TTC7B: variants seen among roughly 807,000 people sequenced by gnomAD.
The protein encoded by TTC7B is tetratricopeptide repeat domain 7B.
In TTC7B, 28 loss-of-function variants were observed where a neutral mutation model predicts 106.8. The observed-to-expected ratio is 0.26, with a 90% CI of 0.19 to 0.36. TTC7B has a LOEUF of 0.36. TTC7B is among the 10% of genes least tolerant of loss of function. The probability of loss-of-function intolerance (pLI) is 1.00; values close to 1 mark genes in which losing one functional copy is unlikely to be tolerated. For missense variants in TTC7B, 862 were observed against 1,076.4 expected (o/e 0.80, Z 2.79); for synonymous variants, 405 against 430.6 (o/e 0.94, Z 0.74).
Position 90,577,981 on chromosome 14 carries a change from C to T in TTC7B, c.2310+125G>A. On this transcript the variant is annotated intron_variant, in intron 19 of 19. Coordinates refer to ENST00000328459, the MANE Select transcript of TTC7B (RefSeq NM_001010854.2). This position sits in a 1 kb window ranked among gnomAD's most constrained non-coding sequence, Gnocchi z 5.0. ...CCTCTGGCTTCAGGCCATGTGACAG[C>T]CTGGCAAGCTAACTGCATGGGGCCT... The T allele has an allele frequency of 8.3e-7, 1 of 1,211,730 alleles. No individual in the cohort carries two copies. The highest frequency in any genetic ancestry group is 1.2e-6 in the Non-Finnish European group (1 of 868,420). 75.1% of individuals were successfully genotyped at this position (1,211,730 alleles called of 1,614,324 possible).
chr14:90,638,688 T>C (rs1885046237), intron 15 of TTC7B, among the ~76,000 whole-genome samples: 1 of 152,224 alleles, frequency 6.6e-6, no homozygotes, highest in Non-Finnish European at 1.5e-5. Context: ...ATTAAACTAA[T>C]TCCAAAATCT....
intron 5 of TTC7B, among the ~76,000 whole-genome samples, chr14:90,696,633 G>A (rs954959215): frequency 1.3e-5 from 2 of 152,140 alleles, no homozygotes; most frequent in Non-Finnish European, 2.9e-5. Flanking sequence ...CTATTAATTC[G>A]CATCTTATAC....
intron 3 of TTC7B, among the ~76,000 whole-genome samples, chr14:90,780,213 C>T (rs1891162958): frequency 6.6e-6 from 1 of 152,080 alleles, no homozygotes; most frequent in South Asian, 2.1e-4. Context: ...GAAACCCCCT[C>T]TCTACTAAAA....
chr14:90,763,056 G>A (rs1264191703), intron 3 of TTC7B, among the ~76,000 whole-genome samples: 2 of 152,092 alleles, frequency 1.3e-5, no homozygotes, highest in Non-Finnish European at 2.9e-5. Context: ...TATGACACCA[G>A]CGTAACATTG....
intron 16 of TTC7B, among the ~76,000 whole-genome samples, chr14:90,614,424 G>A (rs182372804): frequency 4.3e-4 from 66 of 152,372 alleles, no homozygotes; most frequent in African/African-American, 1.3e-3. Flanking sequence ...TTTAAATGCT[G>A]TTTGTTGGCA....
chr14:90,590,673 C>A (rs1310007407), intron 18 of TTC7B, among the ~76,000 whole-genome samples: 1 of 152,208 alleles, frequency 6.6e-6, no homozygotes, highest in African/African-American at 2.4e-5. Context: ...GAGCTCAAAT[C>A]ACATAAGGTA....
chr14:90,677,986 C>T (rs1457392457), intron 8 of TTC7B: 1 of 342,940 alleles, frequency 2.9e-6, no homozygotes, highest in Non-Finnish European at 5.6e-6. Flanking sequence ...AAAAGCAGCT[C>T]TGAAGGAAAC....
intron 3 of TTC7B, among the ~76,000 whole-genome samples, chr14:90,779,321 G>C (rs1891134477): frequency 6.6e-6 from 1 of 151,964 alleles, no homozygotes; most frequent in Admixed American, 6.5e-5. Flanking sequence ...TAATTTTTTT[G>C]AGATGGAGTC....
At position 90,680,373 on chromosome 14, in the gene TTC7B, C is replaced by A. The variant is rs959476199; in HGVS notation, c.1014+99G>T. ...AGGTATACCCTCTAGAAAGTATTTT[C>A]TCTTAAGAAAAAGAGTCATGATACT... On this transcript the variant is annotated intron_variant, in intron 8 of 19. Transcript: ENST00000328459. The A allele has an allele frequency of 1.4e-5, 13 of 901,144 alleles. No homozygotes were observed. In the East Asian group the frequency reaches 3.2e-4, roughly 22 times the overall value. The allele number at this position is 901,144 out of a possible 1,614,324, so 55.8% of individuals were successfully genotyped here. A position where few individuals can be genotyped will look rare whatever the true frequency, so the allele number is the denominator to read the frequency against.
At chr14:90,688,732 T>C (rs1167243666) in intron 7 of TTC7B, among the ~76,000 whole-genome samples, 1 of 151,092 alleles carries the variant, frequency 6.6e-6, no homozygotes, top group Non-Finnish European at 1.5e-5. Context: ...CACTTGAACC[T>C]GGAAGGCAGA....
chr14:90,602,231 G>A (rs1221148599), intron 17 of TTC7B: 1 of 456,020 alleles, frequency 2.2e-6, no homozygotes, highest in Non-Finnish European at 4.4e-6. Flanking sequence ...ACATTAGTTT[G>A]GGAACACTGG....
chr14:90,735,094 T>C (rs1889467620), intron 4 of TTC7B, among the ~76,000 whole-genome samples: 1 of 152,190 alleles, frequency 6.6e-6, no homozygotes, highest in Non-Finnish European at 1.5e-5. Flanking sequence ...CTCTGTGACA[T>C]ACCCATTCTA....
At chr14:90,644,271 A>C in intron 14 of TTC7B, 63 bp from the exon 15 acceptor site, 2 of 1,321,504 alleles carry the variant, frequency 1.5e-6, no homozygotes, top group Non-Finnish European at 2.0e-6. Flanking sequence ...ACACACACAC[A>C]CACACACACG....
intron 19 of TTC7B, among the ~76,000 whole-genome samples, chr14:90,565,870 T>C (rs1462481160): frequency 2.6e-5 from 4 of 152,208 alleles, no homozygotes. Context: ...CTGGTCAGTG[T>C]AGCAGTCAGG....
intron 19 of TTC7B, among the ~76,000 whole-genome samples, chr14:90,563,043 C>T (rs1309627346): frequency 6.6e-6 from 1 of 152,184 alleles, no homozygotes; most frequent in Admixed American, 6.5e-5. Context: ...TAACATCTCT[C>T]CCTATAGCCT....
In TTC7B at chr14:90,578,415, G is replaced by C. The variant is rs905223008; in HGVS notation, c.2108-107C>G. 2 of 1,151,332 alleles carry C rather than the reference G, an allele frequency of 1.7e-6. No individual in the cohort carries two copies. The highest frequency in any genetic ancestry group is 2.5e-6 in the Non-Finnish European group (2 of 797,510). 71.3% of individuals were successfully genotyped at this position (1,151,332 alleles called of 1,614,324 possible). A position where few individuals can be genotyped will look rare whatever the true frequency, so the allele number is the denominator to read the frequency against. On this transcript the variant is annotated intron_variant, in intron 18 of 19. Coordinates refer to ENST00000328459, the MANE Select transcript of TTC7B (RefSeq NM_001010854.2). The surrounding 1 kb of genome is among the most constrained non-coding windows in gnomAD (Gnocchi z 4.7). Reference sequence around the variant, plus strand: ...TCCCTGCACGGGAGTCTGGCGGGGCGCAGAGCCAGCTGATCCCTGCTCCAA... The same window carrying C: ...TCCCTGCACGGGAGTCTGGCGGGGCCCAGAGCCAGCTGATCCCTGCTCCAA...
chr14:90,758,064 G>A (rs1309497451), intron 3 of TTC7B, among the ~76,000 whole-genome samples: 1 of 152,076 alleles, frequency 6.6e-6, no homozygotes, highest in East Asian at 1.9e-4. Flanking sequence ...CAGGGCCTGT[G>A]AGTGTGAACG....
intron 13 of TTC7B, among the ~76,000 whole-genome samples, chr14:90,650,374 C>T (rs1436254513): frequency 6.6e-6 from 1 of 152,182 alleles, no homozygotes; most frequent in Non-Finnish European, 1.5e-5. Context: ...GCTCAGGAAT[C>T]TCTCGTTAGT....
At chr14:90,604,445 G>A (rs770289438) in intron 17 of TTC7B, among the ~76,000 whole-genome samples, 9 of 152,152 alleles carry the variant, frequency 5.9e-5, no homozygotes, top group Non-Finnish European at 1.0e-4. Context: ...TACGGTCAGC[G>A]GGTTTCTCGG....
Sources: gnomAD v4.1 joint callset for allele counts (sites outside exome capture counted in the v4.1 genomes callset) on GRCh38, gnomAD v4.1.1 for gene constraint, Gnocchi (gnomAD v3.1) non-coding constraint, MANE v1.5 for transcripts, NCBI Gene and HGNC (gene_info 2026-07-23, HGNC 2026-07-21) for gene names.